Variants in RCHY1 observed in about 807,000 individuals in gnomAD.
RCHY1 encodes the protein ring finger and CHY zinc finger domain containing 1, also known as RING finger and CHY zinc finger domain-containing protein 1.
Under a neutral mutation model 41.6 loss-of-function variants are expected in RCHY1, and 21 were observed. The ratio of observed to expected loss-of-function variants is 0.51; its 90% CI spans 0.36 to 0.73. The LOEUF (loss-of-function observed/expected upper bound fraction) is 0.73. RCHY1 is among the 30% of genes least tolerant of loss of function. The pLI, the probability that RCHY1 is intolerant of heterozygous loss-of-function variation, is 0.00. For missense variants in RCHY1, 265 were observed against 325.3 expected, an observed-to-expected ratio of 0.81 and a Z score of 1.43; for synonymous variants, 79 against 102.9, an observed-to-expected ratio of 0.77 and a Z score of 1.41.
At chr4:75,486,187 TCAGA>T (rs1284281196) in intron 8 of RCHY1, among the ~76,000 whole-genome samples, 1 of 152,170 alleles carries the variant, frequency 6.6e-6, no homozygotes, top group Admixed American at 6.5e-5. Flanking sequence ...AATTCAGGAC[TCAGA>T]CAGGCTCTGC....
chr4:75,483,024 G>T (rs1721648968), intron 8 of RCHY1, among the ~76,000 whole-genome samples: 1 of 152,062 alleles, frequency 6.6e-6, no homozygotes, highest in Admixed American at 6.6e-5. Context: ...TTATTTTTCA[G>T]TCAGAAATGT....
chr4:75,485,232 T>TA (rs1721890097), intron 8 of RCHY1, among the ~76,000 whole-genome samples: 2 of 152,126 alleles, frequency 1.3e-5, no homozygotes, highest in Admixed American at 1.3e-4. Flanking sequence ...CTGCAAACAA[T>TA]AAAAAAGAAC....
chr4:75,511,048 G>A (rs972295683), intron 1 of RCHY1, among the ~76,000 whole-genome samples: 1 of 152,132 alleles, frequency 6.6e-6, no homozygotes, highest in African/African-American at 2.4e-5. Flanking sequence ...CATGAAATCT[G>A]AAATCGTATC....
chr4:75,485,753 A>C (rs937104677), intron 8 of RCHY1, among the ~76,000 whole-genome samples: 1 of 152,206 alleles, frequency 6.6e-6, no homozygotes, highest in Non-Finnish European at 1.5e-5. Flanking sequence ...TGAATAGAAA[A>C]ACTATTTAAA....
Position 75,514,208 on chromosome 4 carries a change from A to ATCC in RCHY1, c.76_78dup (p.Gly26dup). On this transcript the variant is annotated inframe_insertion, in exon 1 of 9. Transcript: ENST00000324439. ...ATAGAAGGCGTCACCTTTAGGAGAC[A>ATCC]TCCTCTGTCATAGTGCTCGCAGCCC... 6.2e-7 allele frequency: 1 copy of ATCC among 1,612,392 alleles called. No individual in the cohort carries two copies. Among genetic ancestry groups the ATCC allele is most frequent in the East Asian group, 2.2e-5 (1 of 44,822 alleles).
At chr4:75,514,089 G>A in intron 1 of RCHY1, 108 bp downstream of exon 1, 2 of 1,505,334 alleles carry the variant, frequency 1.3e-6, no homozygotes, top group African/African-American at 2.8e-5. Context: ...AAGGTATCCT[G>A]AAAATCAGGT....
rs2148698228 is a variant in RCHY1 at position 75,479,824 on chromosome 4, G to A, written c.*2714C>T. The A allele has an allele frequency of 6.6e-6, 1 of 152,220 alleles. No individual in the cohort carries two copies. The highest frequency in any genetic ancestry group is 6.5e-5 in the Admixed American group (1 of 15,278). 9.4% of individuals were successfully genotyped at this position (152,220 alleles called of 1,614,324 possible). On this transcript the variant is annotated 3_prime_UTR_variant, in exon 9 of 9. Coordinates refer to ENST00000324439, the MANE Select transcript of RCHY1 (RefSeq NM_015436.4). ...GATAATTCTAGTGTACTTAAGATCT[G>A]TCTAAGTATTTAACATTCCTGTAAG...
In RCHY1 at chr4:75,486,780, AC is replaced by A. The variant is rs1722046634; in HGVS notation, c.657+3800del. On this transcript the variant is annotated intron_variant, in intron 8 of 8. Coordinates refer to ENST00000324439, the MANE Select transcript of RCHY1 (RefSeq NM_015436.4). ...TAGATCACAAGGTCAGGAGTTTGAG[AC>A]CAGCCTGGCCAATACAGTGAAACCC... 2.6e-5 allele frequency among the ~76,000 whole-genome samples: 4 copies of A among 152,254 alleles called. No individual in the cohort carries two copies. In the South Asian group the frequency reaches 8.3e-4, roughly 32 times the overall value.
chr4:75,495,880 T>C (rs534905315), intron 3 of RCHY1, among the ~76,000 whole-genome samples: 1 of 152,048 alleles, frequency 6.6e-6, no homozygotes, highest in African/African-American at 2.4e-5. Flanking sequence ...TAAATTCATA[T>C]GTATAAATAT....
intron 1 of RCHY1, among the ~76,000 whole-genome samples, chr4:75,510,749 A>G (rs6829753): frequency 0.68 from 103,206 of 152,096 alleles, 36,129 homozygotes; most frequent in African/African-American, 0.86. Flanking sequence ...AATTAAAAAG[A>G]ATAGGTTTTT....
At chr4:75,482,809 CTTATT>C (rs981331481) in intron 8 of RCHY1, 143 bp from the exon 9 acceptor site, 31 of 514,770 alleles carry the variant, frequency 6.0e-5, no homozygotes, top group African/African-American at 5.8e-4. Flanking sequence ...GAAATTTCTT[CTTATT>C]TTTTCACTGA....
At chr4:75,486,757 G>A (rs1299106378) in intron 8 of RCHY1, among the ~76,000 whole-genome samples, 2 of 152,152 alleles carry the variant, frequency 1.3e-5, no homozygotes, top group Admixed American at 6.6e-5. Context: ...AAGGCGGGTA[G>A]ATCACAAGGT....
intron 1 of RCHY1, among the ~76,000 whole-genome samples, chr4:75,513,290 A>C (rs1444794204): frequency 1.3e-5 from 2 of 152,178 alleles, no homozygotes; most frequent in African/African-American, 4.8e-5. Context: ...AAAAATAATA[A>C]TACTCAGATT....
intron 8 of RCHY1, among the ~76,000 whole-genome samples, chr4:75,487,839 AATATATATTCATAAT>A (rs1418458766): frequency 4.6e-4 from 33 of 71,864 alleles, no homozygotes; most frequent in African/African-American, 1.1e-3. Context: ...ATATATTCAT[AATATATATTCATAAT>A]ATATATATTC....
chr4:75,491,533 T>C (rs756945297), intron 7 of RCHY1, 78 bp downstream of exon 7: 141 of 1,308,116 alleles, frequency 1.1e-4, no homozygotes, highest in Non-Finnish European at 1.4e-4. Context: ...TAAGTAACAA[T>C]GTTTGTCCAC....
intron 3 of RCHY1, among the ~76,000 whole-genome samples, chr4:75,500,871 T>C (rs1380364824): frequency 2.6e-5 from 4 of 152,202 alleles, no homozygotes; most frequent in Non-Finnish European, 5.9e-5. Flanking sequence ...CCAAAAAGAC[T>C]GATTTTCAAA....
At chr4:75,512,934 T>C (rs1233570167) in intron 1 of RCHY1, among the ~76,000 whole-genome samples, 1 of 149,066 alleles carries the variant, frequency 6.7e-6, no homozygotes, top group African/African-American at 2.5e-5. Flanking sequence ...AGGCAAAAAC[T>C]GTTTGACACC....
chr4:75,506,636 A>T (rs1359523591), intron 3 of RCHY1, among the ~76,000 whole-genome samples: 2 of 149,666 alleles, frequency 1.3e-5, no homozygotes, highest in Non-Finnish European at 2.9e-5. Flanking sequence ...TAGGAGAAAT[A>T]CAGGAAAAAA....
intron 4 of RCHY1, among the ~76,000 whole-genome samples, chr4:75,492,927 G>C (rs1383630648): frequency 2.0e-5 from 3 of 151,858 alleles, no homozygotes; most frequent in Admixed American, 1.3e-4. Flanking sequence ...TGATTCTAAA[G>C]TGCACCTCAC....
Sources: allele counts gnomAD v4.1 joint callset (sites outside exome capture counted in the v4.1 genomes callset), GRCh38; gene constraint gnomAD v4.1.1; transcripts MANE v1.5; gene names NCBI Gene and HGNC (gene_info 2026-07-23, HGNC 2026-07-21).